Variants in HDAC9 observed in about 807,000 individuals in gnomAD.
HDAC9 encodes MEF-2 interacting transcription repressor (MITR) protein.
In HDAC9, 41 loss-of-function variants were observed where a neutral mutation model predicts 139.4. The observed-to-expected ratio is 0.29, with a 90% confidence interval of 0.23 to 0.38. The LOEUF (loss-of-function observed/expected upper bound fraction) is 0.38, where lower values mean the gene tolerates loss of function less well. Among genes scored for constraint, HDAC9 ranks in the 10% least tolerant of loss-of-function variants. HDAC9 has a pLI of 1.00. For missense variants in HDAC9, 1,147 were observed against 1,297.0 expected (o/e 0.88, Z 1.78); for synonymous variants, 517 against 476.2 (o/e 1.09, Z -1.12).
intron 23 of HDAC9, among the ~76,000 whole-genome samples, chr7:18,953,386 T>C: frequency 6.6e-6 from 1 of 152,132 alleles, no homozygotes; most frequent in Non-Finnish European, 1.5e-5. Context: ...CTGAGGGATG[T>C]GTTATCAGAC....
chr7:18,291,614 G>T (rs938091545), intron 1 of HDAC9, among the ~76,000 whole-genome samples: 8 of 151,932 alleles, frequency 5.3e-5, no homozygotes, highest in African/African-American at 1.7e-4. Context: ...GAGCATATTG[G>T]GCTGTCTTCT....
intron 25 of HDAC9, among the ~76,000 whole-genome samples, chr7:18,991,122 A>T (rs994541109): frequency 1.1e-4 from 16 of 152,208 alleles, no homozygotes; most frequent in African/African-American, 3.4e-4. Flanking sequence ...TTAAATTATC[A>T]TACTTGTAAA....
chr7:18,575,680 T>C lies in HDAC9; in HGVS notation c.23-9601T>C, dbSNP rs537129606. On this transcript the variant is annotated intron_variant, in intron 2 of 25. Coordinates refer to ENST00000686413, the MANE Select transcript of HDAC9 (RefSeq NM_178425.4). ...CCAGAAATGTGTTAACTTAGAAATTTAACTAGTAAAACAGCATATATTTGT... is the reference window on the plus strand; with the variant it reads ...CCAGAAATGTGTTAACTTAGAAATTCAACTAGTAAAACAGCATATATTTGT... Among the ~76,000 whole-genome samples the C allele has an allele frequency of 1.0e-3, 153 of 152,248 alleles. 1 individual carries two copies. Among genetic ancestry groups the C allele is most frequent in the Non-Finnish European group, 2.0e-3 (133 of 68,044 alleles).
Position 18,774,286 on chromosome 7 carries a change from A to G in HDAC9, c.2214+7131A>G, listed in dbSNP as rs1215261042. 3.3e-5 allele frequency among the ~76,000 whole-genome samples: 5 copies of G among 152,038 alleles called. No homozygotes were observed. The East Asian group carries it at 7.7e-4, about 23-fold the overall frequency. ...CTGATAAGACTATTAAAGGACTAATATATTCGATATTTTTATGCTCCTGAA... is the reference window on the plus strand; with the variant it reads ...CTGATAAGACTATTAAAGGACTAATGTATTCGATATTTTTATGCTCCTGAA... On this transcript the variant is annotated intron_variant, in intron 16 of 25. Transcript: ENST00000686413.
At chr7:18,309,567 G>A (rs2128622946) in intron 1 of HDAC9, among the ~76,000 whole-genome samples, 1 of 152,276 alleles carries the variant, frequency 6.6e-6, no homozygotes, top group East Asian at 1.9e-4. Context: ...ATAGATTACA[G>A]TATGTGTGCT....
At chr7:18,565,848 A>G (rs919331204) in intron 2 of HDAC9, among the ~76,000 whole-genome samples, 2 of 146,124 alleles carry the variant, frequency 1.4e-5, no homozygotes, top group African/African-American at 5.0e-5. Context: ...AATGTGGATA[A>G]TTTTTTTTTT....
chr7:18,433,805 T>C (rs933684168), intron 1 of HDAC9, among the ~76,000 whole-genome samples: 2 of 152,174 alleles, frequency 1.3e-5, no homozygotes, highest in Non-Finnish European at 2.9e-5. Context: ...TCCATGCTCA[T>C]TGACAGGAAA....
intron 6 of HDAC9, among the ~76,000 whole-genome samples, chr7:18,610,531 G>T (rs572578358): frequency 2.0e-5 from 3 of 152,230 alleles, no homozygotes; most frequent in African/African-American, 7.2e-5. Flanking sequence ...TCTCACTTGC[G>T]CCCTCTAGAC....
At chr7:18,530,032 G>T (rs2128233954) in intron 2 of HDAC9, among the ~76,000 whole-genome samples, 1 of 152,096 alleles carries the variant, frequency 6.6e-6, no homozygotes, top group East Asian at 1.9e-4. Flanking sequence ...GCAATTTGGG[G>T]GGGTGTGGCA....
chr7:18,704,322 T>C (rs1783721655), intron 12 of HDAC9, among the ~76,000 whole-genome samples: 1 of 152,240 alleles, frequency 6.6e-6, no homozygotes, highest in African/African-American at 2.4e-5. Context: ...TTGGGACTTT[T>C]CCTTGCTTAG....
intron 1 of HDAC9, among the ~76,000 whole-genome samples, chr7:18,304,605 A>G (rs1798790958): frequency 6.6e-6 from 1 of 152,180 alleles, no homozygotes; most frequent in African/African-American, 2.4e-5. Context: ...GAAAAAAAGT[A>G]GGTTCTCTTT....
At chr7:18,809,068 G>A (rs1266573966) in intron 17 of HDAC9, among the ~76,000 whole-genome samples, 4 of 151,906 alleles carry the variant, frequency 2.6e-5, no homozygotes, top group Non-Finnish European at 5.9e-5. Context: ...TTCAATAAGG[G>A]TATCAAGAAT....
intron 2 of HDAC9, among the ~76,000 whole-genome samples, chr7:18,508,329 A>G (rs1304485053): frequency 1.3e-5 from 2 of 152,204 alleles, no homozygotes; most frequent in African/African-American, 2.4e-5. Flanking sequence ...AATTTGGTCT[A>G]AGTCAAGTAG....
At chr7:18,132,624 C>T (rs1177873081) in intron 1 of HDAC9, among the ~76,000 whole-genome samples, 1 of 152,058 alleles carries the variant, frequency 6.6e-6, no homozygotes, top group East Asian at 1.9e-4. Context: ...ACATTCCTTT[C>T]TGCATTATGT....
chr7:18,814,563 C>T (rs2588637), intron 17 of HDAC9, among the ~76,000 whole-genome samples: 70,751 of 151,944 alleles, frequency 0.47, 19,870 homozygotes, highest in African/African-American at 0.8. Context: ...TATATGGCAG[C>T]AAATTTCATT....
chr7:18,649,481 C>T (rs1788575403), intron 11 of HDAC9, among the ~76,000 whole-genome samples: 1 of 152,072 alleles, frequency 6.6e-6, no homozygotes, highest in African/African-American at 2.4e-5. Context: ...ATTCTATTCC[C>T]TTGCCTTTGT....
intron 1 of HDAC9, among the ~76,000 whole-genome samples, chr7:18,479,146 T>C (rs563487783): frequency 8.5e-5 from 13 of 152,266 alleles, no homozygotes; most frequent in Non-Finnish European, 1.5e-4. Flanking sequence ...TTTTTCTTTA[T>C]GATTTGTGTT....
chr7:18,875,092 C>T (rs576358247), intron 22 of HDAC9, among the ~76,000 whole-genome samples: 2 of 152,258 alleles, frequency 1.3e-5, no homozygotes, highest in South Asian at 2.1e-4. Flanking sequence ...AATCTCTACT[C>T]GTCTTCTGTT....
intron 23 of HDAC9, among the ~76,000 whole-genome samples, chr7:18,945,563 C>G (rs77927000): frequency 0.14 from 21,051 of 152,062 alleles, 1,576 homozygotes; most frequent in South Asian, 0.21. Context: ...TTCTGGATTC[C>G]CAAAGTCAAG....
Sources: allele counts gnomAD v4.1 joint callset (sites outside exome capture counted in the v4.1 genomes callset), GRCh38; gene constraint gnomAD v4.1.1; transcripts MANE v1.5; gene names NCBI Gene and HGNC (gene_info 2026-07-23, HGNC 2026-07-21).